REV1: variants seen among roughly 807,000 people sequenced by gnomAD.
REV1 encodes REV1 DNA directed polymerase.
A neutral mutation model predicts 137.4 loss-of-function variants in REV1; 42 were observed. That is an observed-to-expected ratio of 0.31 (90% CI 0.24 to 0.40). REV1 has a LOEUF of 0.40. REV1 is among the 10% of genes least tolerant of loss of function. The probability of loss-of-function intolerance (pLI) is 1.00; values close to 1 mark genes in which losing one functional copy is unlikely to be tolerated. For synonymous variants in REV1, 524 were observed against 519.2 expected, an observed-to-expected ratio of 1.01 and a Z score of -0.12; for missense variants, 1,282 against 1,490.1, an observed-to-expected ratio of 0.86 and a Z score of 2.30.
chr2:99,465,954 T>G (rs940149084), intron 1 of REV1, among the ~76,000 whole-genome samples: 9 of 152,182 alleles, frequency 5.9e-5, no homozygotes, highest in Admixed American at 4.6e-4. Context: ...ATTTATTATT[T>G]TTTTTGAGAC....
At chr2:99,444,409 A>T (rs1421869628) in intron 4 of REV1, among the ~76,000 whole-genome samples, 1 of 152,238 alleles carries the variant, frequency 6.6e-6, no homozygotes, top group Non-Finnish European at 1.5e-5. Flanking sequence ...CCCTACTGAC[A>T]GCATGCTGGA....
At position 99,449,505 on chromosome 2, in the gene REV1, C is replaced by T; in HGVS notation, c.182-1G>A. 1 of 1,424,372 alleles carries T rather than the reference C, an allele frequency of 7.0e-7. No homozygotes were observed. The highest frequency in any genetic ancestry group is 9.2e-7 in the Non-Finnish European group (1 of 1,083,916). The allele number at this position is 1,424,372 out of a possible 1,614,324, so 88.2% of individuals were successfully genotyped here. On this transcript the variant is annotated splice_acceptor_variant, in intron 3 of 22. Coordinates refer to ENST00000258428, the MANE Select transcript of REV1 (RefSeq NM_016316.4). LOFTEE classifies it high-confidence loss of function. ...TTTCTCAATTCCTCAGCGGAAGGAT[C>T]TGCAAAATTTATATTAAAATATATT...
At chr2:99,411,746 A>C (rs757384733) in intron 13 of REV1, among the ~76,000 whole-genome samples, 3 of 151,510 alleles carry the variant, frequency 2.0e-5, no homozygotes, top group African/African-American at 7.3e-5. Context: ...GACTTGTCGA[A>C]AATTCTTTTG....
chr2:99,436,887 A>G (rs1178345419), intron 6 of REV1: 10 of 152,180 alleles, frequency 6.6e-5, no homozygotes, highest in Admixed American at 6.5e-4. Flanking sequence ...AGTCTTTATA[A>G]TAGGCTTCCA....
rs768254166 is a variant in REV1 at position 99,424,816 on chromosome 2, C to A, written c.1548-536G>T. 42 of 1,304,110 alleles carry A rather than the reference C, an allele frequency of 3.2e-5. 1 individual carries two copies. The highest frequency in any genetic ancestry group is 1.4e-4 in the Admixed American group (6 of 43,558). The allele number at this position is 1,304,110 out of a possible 1,614,324, so 80.8% of individuals were successfully genotyped here. A position where few individuals can be genotyped will look rare whatever the true frequency, so the allele number is the denominator to read the frequency against. On this transcript the variant is annotated intron_variant, in intron 9 of 22. Coordinates refer to ENST00000258428, the MANE Select transcript of REV1 (RefSeq NM_016316.4). ...CCAATTCCATGCTCCTGAAGTGGCTCCACAGTGGTTGAGATGCCAACAGCA... is the reference window on the plus strand; with the variant it reads ...CCAATTCCATGCTCCTGAAGTGGCTACACAGTGGTTGAGATGCCAACAGCA...
At chr2:99,475,513 G>A (rs759235414) in intron 1 of REV1, among the ~76,000 whole-genome samples, 3 of 152,190 alleles carry the variant, frequency 2.0e-5, no homozygotes, top group Admixed American at 6.5e-5. Context: ...GGGGAGGAAA[G>A]TCTTTGAAGA....
chr2:99,445,062 C>T (rs1363381840), intron 4 of REV1, among the ~76,000 whole-genome samples: 1 of 151,378 alleles, frequency 6.6e-6, no homozygotes, highest in African/African-American at 2.4e-5. Flanking sequence ...ATAGTCATAG[C>T]AAGTGAAATA....
intron 1 of REV1, among the ~76,000 whole-genome samples, chr2:99,487,857 A>G (rs1687293645): frequency 8.5e-6 from 1 of 117,744 alleles, no homozygotes; most frequent in African/African-American, 3.0e-5. Flanking sequence ...CTCATTCTAG[A>G]TTGTGAACTG....
At chr2:99,487,722 T>C (rs541000628) in intron 1 of REV1, among the ~76,000 whole-genome samples, 1 of 119,020 alleles carries the variant, frequency 8.4e-6, no homozygotes, top group South Asian at 2.4e-4. Context: ...CCATACATTC[T>C]TGAAAAGCAG....
At chr2:99,404,227 C>A (rs529197904) in intron 18 of REV1, among the ~76,000 whole-genome samples, 2 of 152,128 alleles carry the variant, frequency 1.3e-5, no homozygotes, top group Admixed American at 6.5e-5. Flanking sequence ...TGCCCTCCCC[C>A]GTCTCTTCCC....
chr2:99,445,737 T>A (rs991262619), intron 4 of REV1, among the ~76,000 whole-genome samples: 13 of 152,172 alleles, frequency 8.5e-5, no homozygotes, highest in African/African-American at 3.1e-4. Context: ...AGTAAAATAA[T>A]TTCACACTTT....
chr2:99,479,876 C>T (rs370872980), intron 1 of REV1, among the ~76,000 whole-genome samples: 40 of 152,024 alleles, frequency 2.6e-4, no homozygotes, highest in African/African-American at 9.4e-4. Context: ...ATCTCATGTT[C>T]GAGAAGACAC....
intron 1 of REV1, 122 bp downstream of exon 1, chr2:99,489,695 C>T (rs1390256308): frequency 6.7e-6 from 1 of 149,584 alleles, no homozygotes; most frequent in Non-Finnish European, 1.5e-5. Context: ...CGCACCCCTC[C>T]CCCGCGCCAC....
chr2:99,431,756 G>A (rs1300538317), intron 8 of REV1: 2 of 985,396 alleles, frequency 2.0e-6, no homozygotes, highest in African/African-American at 1.7e-5. Context: ...CCACAGTGCA[G>A]CAGAGTGCGT....
In REV1 at chr2:99,475,307, G is replaced by C. The variant is rs542276443; in HGVS notation, c.-10-10322C>G. Among the ~76,000 whole-genome samples, 6 of 152,294 alleles carry C rather than the reference G, an allele frequency of 3.9e-5. No homozygotes were observed. In the South Asian group the frequency reaches 6.2e-4, roughly 16 times the overall value. On this transcript the variant is annotated intron_variant, in intron 1 of 22. Transcript: ENST00000258428. ...GAACTTTTTAAAAGAGGCAAAGGTG[G>C]AGGAGAACAAAGGAAGGAGGAAGTA...
At chr2:99,482,077 G>C (rs550561503) in intron 1 of REV1, among the ~76,000 whole-genome samples, 1 of 152,298 alleles carries the variant, frequency 6.6e-6, no homozygotes, top group South Asian at 2.1e-4. Flanking sequence ...TGTGAATAGT[G>C]GGTTGGGCTT....
chr2:99,437,490 T>C (rs1680911989), intron 6 of REV1, among the ~76,000 whole-genome samples: 1 of 152,188 alleles, frequency 6.6e-6, no homozygotes, highest in Non-Finnish European at 1.5e-5. Flanking sequence ...CTATATTATC[T>C]CAAGAAATGA....
intron 11 of REV1, among the ~76,000 whole-genome samples, chr2:99,419,205 A>ATTTTTTTTTTT (rs774732084): frequency 8.6e-6 from 1 of 116,018 alleles, no homozygotes; most frequent in Non-Finnish European, 1.7e-5. Flanking sequence ...AGCAGTCCTG[A>ATTTTTTTTTTT]TTTTTTTTTT....
intron 19 of REV1, chr2:99,403,445 G>A (rs1244003357): frequency 1.7e-6 from 1 of 574,476 alleles, no homozygotes; most frequent in East Asian, 2.9e-5. Flanking sequence ...TAAGACATTT[G>A]TGGTAATGTC....
Sources: gnomAD v4.1 joint callset for allele counts (sites outside exome capture counted in the v4.1 genomes callset) on GRCh38, gnomAD v4.1.1 for gene constraint, MANE v1.5 for transcripts, NCBI Gene and HGNC (gene_info 2026-07-23, HGNC 2026-07-21) for gene names.